FAF1: variants seen among roughly 807,000 people sequenced by gnomAD.
FAF1 encodes FAS-associated factor 1.
In FAF1, 25 loss-of-function variants were observed where a neutral mutation model predicts 92.5. That is an observed-to-expected ratio of 0.27 (90% CI 0.20 to 0.38). FAF1 has a LOEUF of 0.38. Ranked by LOEUF, FAF1 falls within the 10% of genes least tolerant of loss-of-function variation. FAF1 has a pLI of 1.00. For missense variants in FAF1, 636 were observed against 793.3 expected (o/e 0.80, Z 2.38); for synonymous variants, 234 against 273.2 (o/e 0.86, Z 1.42).
chr1:50,604,722 A>C (rs1652298048), intron 8 of FAF1, among the ~76,000 whole-genome samples: 1 of 152,004 alleles, frequency 6.6e-6, no homozygotes, highest in Admixed American at 6.6e-5. Flanking sequence ...TTTTGTAGAG[A>C]TGGAGTCTCA....
rs182471972 is a variant in FAF1, at chr1:50,527,793, C to G, written c.1494+7576G>C. 1.3e-3 allele frequency among the ~76,000 whole-genome samples: 195 copies of G among 144,708 alleles called. 1 individual carries two copies. The highest frequency in any genetic ancestry group is 8.1e-3 in the Middle Eastern group (2 of 246). 94.9% of individuals were successfully genotyped at this position (144,708 alleles called of 152,430 possible). ...AGTGTCATTTGATGAAGTATTTAAC[C>G]CAAGAACTTACTCTGCTGTCTCTCT... On this transcript the variant is annotated intron_variant, in intron 15 of 18. Transcript: ENST00000396153.
At chr1:50,683,471 G>A (rs1656514506) in intron 7 of FAF1, among the ~76,000 whole-genome samples, 1 of 151,618 alleles carries the variant, frequency 6.6e-6, no homozygotes, top group Non-Finnish European at 1.5e-5. Context: ...AGGTTGCAGT[G>A]AGCCGAAATC....
chr1:50,850,097 T>C (rs1644335363), intron 2 of FAF1, among the ~76,000 whole-genome samples: 1 of 151,780 alleles, frequency 6.6e-6, no homozygotes, highest in Admixed American at 6.6e-5. Flanking sequence ...AAGATGAAAT[T>C]TGGATAGTTC....
At chr1:50,652,490 G>A (rs1194671240) in intron 8 of FAF1, among the ~76,000 whole-genome samples, 21 of 152,128 alleles carry the variant, frequency 1.4e-4, no homozygotes, top group Admixed American at 1.3e-3. Flanking sequence ...CAAGGGTGGG[G>A]TGCAAAAGCA....
intron 15 of FAF1, among the ~76,000 whole-genome samples, chr1:50,525,771 T>A (rs1320874742): frequency 1.3e-5 from 2 of 152,162 alleles, no homozygotes; most frequent in Non-Finnish European, 2.9e-5. Flanking sequence ...GGGTGTGGAT[T>A]TTGGCCAATT....
At position 50,763,737 on chromosome 1, in the gene FAF1, T is replaced by C. The variant is rs372268515; in HGVS notation, c.368-18962A>G. On this transcript the variant is annotated intron_variant, in intron 4 of 18. Transcript: ENST00000396153. ...TAAATTATTGATATCACATAATGTA[T>C]CGACATTTTGTTAATATCATAGCAA... Among the ~76,000 whole-genome samples, 96 of 152,338 alleles carry C rather than the reference T, an allele frequency of 6.3e-4. 3 individuals are homozygous for C. In the South Asian group the frequency reaches 0.019, roughly 30 times the overall value.
intron 15 of FAF1, among the ~76,000 whole-genome samples, chr1:50,524,602 T>C (rs573754533): frequency 2.6e-5 from 4 of 152,318 alleles, no homozygotes; most frequent in East Asian, 3.9e-4. Flanking sequence ...CTTCTGCATA[T>C]GGTGAGCCAG....
At chr1:50,678,862 G>A (rs987516058) in intron 7 of FAF1, among the ~76,000 whole-genome samples, 1 of 150,762 alleles carries the variant, frequency 6.6e-6, no homozygotes, top group Non-Finnish European at 1.5e-5. Flanking sequence ...CGAGGCAGGC[G>A]GATCACGAGG....
At chr1:50,495,955 T>C (rs1646893091) in intron 15 of FAF1, among the ~76,000 whole-genome samples, 2 of 152,172 alleles carry the variant, frequency 1.3e-5, no homozygotes, top group Non-Finnish European at 2.9e-5. Context: ...CAATAGCCAT[T>C]GAATTTTATT....
chr1:50,535,519 A>G (rs1205529767), intron 14 of FAF1, 62 bp from the exon 15 acceptor site: 2 of 906,194 alleles, frequency 2.2e-6, no homozygotes, highest in East Asian at 2.7e-5. Context: ...TCAAATTATT[A>G]AAGTATTAGA....
intron 2 of FAF1, among the ~76,000 whole-genome samples, chr1:50,803,183 T>C (rs1014527082): frequency 3.3e-5 from 5 of 152,176 alleles, no homozygotes; most frequent in Non-Finnish European, 5.9e-5. Flanking sequence ...GTCAACAGCA[T>C]TGGTTCCATG....
chr1:50,747,642 G>A (rs778914517), intron 4 of FAF1, among the ~76,000 whole-genome samples: 3 of 152,172 alleles, frequency 2.0e-5, no homozygotes, highest in Non-Finnish European at 4.4e-5. Context: ...GCTGAGAAGG[G>A]ATGATTGTAT....
chr1:50,874,905 G>A (rs58236240), intron 1 of FAF1, among the ~76,000 whole-genome samples: 1 of 151,168 alleles, frequency 6.6e-6, no homozygotes, highest in Non-Finnish European at 1.5e-5. Flanking sequence ...ATGTAGCTGA[G>A]ACTACAGCCA....
chr1:50,628,873 TAA>T (rs1244387265), intron 8 of FAF1, among the ~76,000 whole-genome samples: 6 of 152,222 alleles, frequency 3.9e-5, no homozygotes, highest in African/African-American at 1.4e-4. Flanking sequence ...CTTCTACTAC[TAA>T]GAGAGGCACA....
intron 6 of FAF1, among the ~76,000 whole-genome samples, chr1:50,709,458 T>C (rs1657825594): frequency 6.6e-6 from 1 of 152,238 alleles, no homozygotes; most frequent in African/African-American, 2.4e-5. Flanking sequence ...ATTCAAGAAA[T>C]ACTTCTGCAT....
chr1:50,914,145 T>C (rs1157320312), intron 1 of FAF1, among the ~76,000 whole-genome samples: 3 of 152,210 alleles, frequency 2.0e-5, no homozygotes, highest in Non-Finnish European at 4.4e-5. Context: ...CATGGATTCC[T>C]GATGACTCAG....
intron 13 of FAF1, among the ~76,000 whole-genome samples, chr1:50,552,310 A>G (rs1317028117): frequency 1.3e-5 from 2 of 151,954 alleles, no homozygotes; most frequent in Non-Finnish European, 2.9e-5. Context: ...AAAAAAAAAA[A>G]AAAACTTCAG....
intron 3 of FAF1, among the ~76,000 whole-genome samples, chr1:50,792,254 TA>T (rs1157828296): frequency 6.6e-6 from 1 of 152,228 alleles, no homozygotes; most frequent in African/African-American, 2.4e-5. Context: ...ATAGCCTTTT[TA>T]AAAGTTTCTT....
chr1:50,708,099 CGCCCG>C (rs1183875145), intron 6 of FAF1, among the ~76,000 whole-genome samples: 1 of 152,126 alleles, frequency 6.6e-6, no homozygotes, highest in African/African-American at 2.4e-5. Context: ...TGAGCCACAG[CGCCCG>C]GCCCGCCCCT....
Sources: gnomAD v4.1 joint callset for allele counts (sites outside exome capture counted in the v4.1 genomes callset) on GRCh38, gnomAD v4.1.1 for gene constraint, MANE v1.5 for transcripts, NCBI Gene and HGNC (gene_info 2026-07-23, HGNC 2026-07-21) for gene names.